The following FANCA variants were observed in gnomAD, a reference collection of about 807,000 sequenced individuals.
FANCA encodes the protein Fanconi anemia group A protein.
In FANCA, 236 loss-of-function variants were observed where a neutral mutation model predicts 194.3. That is an observed-to-expected ratio of 1.21 (90% CI 1.09 to 1.35). FANCA has a LOEUF of 1.35. Ranked by LOEUF, FANCA falls within the 40% of genes most tolerant of loss-of-function variation. FANCA has a pLI of 0.00. For synonymous variants in FANCA, 1,014 were observed against 715.8 expected (o/e 1.42, Z -6.65); for missense variants, 2,628 against 1,813.9 (o/e 1.45, Z -8.15).
rs35855273 is a variant in FANCA at position 89,785,861 on chromosome 16, T to TTTG, written c.1360-898_1360-897insCAA. On this transcript the variant is annotated intron_variant, in intron 14 of 42. Coordinates refer to ENST00000389301, the MANE Select transcript of FANCA (RefSeq NM_000135.4). Reference sequence around the variant, plus strand: ...AAAGCGTGCAAAATTGTGTTTTGTTTTTTTTTTTTTGGAGACAGAGTCTTG... The same window carrying TTTG: ...AAAGCGTGCAAAATTGTGTTTTGTTTTTGTTTTTTTTTTGGAGACAGAGTCTTG... Among the ~76,000 whole-genome samples the TTTG allele has an allele frequency of 3.4e-5, 5 of 144,946 alleles. 1 individual carries two copies. The highest frequency in any genetic ancestry group is 1.3e-4 in the African/African-American group (5 of 38,020).
intron 35 of FANCA, 92 bp downstream of exon 35, chr16:89,746,492 G>T: frequency 2.0e-6 from 2 of 1,008,032 alleles, no homozygotes; most frequent in Non-Finnish European, 3.2e-6. Context: ...GGTAACACCC[G>T]TGATGGAGAC....
intron 10 of FANCA, chr16:89,798,428 G>C (rs2040320938): frequency 9.2e-7 from 1 of 1,085,646 alleles, no homozygotes; most frequent in African/African-American, 1.6e-5. Context: ...TAATTGAGCA[G>C]TTAAACAGTT....
intron 11 of FANCA, among the ~76,000 whole-genome samples, chr16:89,792,899 G>A (rs903748962): frequency 6.6e-6 from 1 of 152,166 alleles, no homozygotes; most frequent in Admixed American, 6.6e-5. Flanking sequence ...GAGGCAGAGA[G>A]GGAGAGGAGA....
intron 36 of FANCA, among the ~76,000 whole-genome samples, chr16:89,744,345 C>G (rs17227256): frequency 6.6e-6 from 1 of 152,188 alleles, no homozygotes; most frequent in Non-Finnish European, 1.5e-5. Flanking sequence ...CTTAAGAACA[C>G]GGCACCCACA....
chr16:89,799,158 G>A lies in FANCA; in HGVS notation c.893+8C>T, dbSNP rs1232816912. 2 of 1,614,004 alleles carry A rather than the reference G, an allele frequency of 1.2e-6. No homozygotes were observed. Among genetic ancestry groups the A allele is most frequent in the African/African-American group, 1.3e-5 (1 of 74,900 alleles). On this transcript the variant is annotated splice_region_variant and intron_variant, in intron 10 of 42. Transcript: ENST00000389301. ...GCACACTCAGGCAGGCCACCCTCAG[G>A]AACATACCAGCACCTCACGATCTTG...
intron 15 of FANCA, 75 bp downstream of exon 15, chr16:89,784,779 G>A (rs2039841042): frequency 2.6e-6 from 3 of 1,142,314 alleles, no homozygotes; most frequent in Non-Finnish European, 1.3e-6. Flanking sequence ...GGCTCTTGGG[G>A]AGGCCAAGGC....
Position 89,796,015 on chromosome 16 carries a change from G to C in FANCA, c.897C>G (p.Phe299Leu), listed in dbSNP as rs765341703. The C allele has an allele frequency of 1.2e-6, 2 of 1,613,266 alleles. No homozygotes were observed. Among genetic ancestry groups the C allele is most frequent in the East Asian group, 4.5e-5 (2 of 44,872 alleles). The change falls in exon 11 of 43, where the codon TTC becomes TTG. Residue 299 changes from phenylalanine to leucine, a missense_variant. Physicochemically the swap from Phe to Leu is conservative, Grantham distance 22. Coordinates refer to ENST00000389301, the MANE Select transcript of FANCA (RefSeq NM_000135.4). ...CAAGCGTGTGTCCACTGAACACTCC[G>C]AACCTGCCAATGCAGCAGAAAGAGG... ...SSTHKIVRCWFGVFSGHTLGS... is the reference protein window; with the variant it reads ...SSTHKIVRCWLGVFSGHTLGS...
At chr16:89,798,192 C>A (rs138461320) in intron 10 of FANCA, among the ~76,000 whole-genome samples, 273 of 152,252 alleles carry the variant, frequency 1.8e-3, no homozygotes, top group African/African-American at 5.8e-3. Flanking sequence ...AAAAGTAGGT[C>A]TCCTGCAAGC....
Position 89,746,596 on chromosome 16 carries a change from C to G in FANCA, c.3501G>C (p.Leu1167Phe), listed in dbSNP as rs2143105845. 2 of 1,613,994 alleles carry G rather than the reference C, an allele frequency of 1.2e-6. No individual in the cohort carries two copies. Among genetic ancestry groups the G allele is most frequent in the Non-Finnish European group, 1.7e-6 (2 of 1,179,972 alleles). ...ACAGCTGACCCACCAGAGCAGAGGT[C>G]AAAATTAAGGGGCATTTCGTCTGGC... is the stretch of plus-strand genomic sequence containing the variant. Reference protein sequence around the residue: ...AKCQTKCPLILTSALVWWPSL... With the variant: ...AKCQTKCPLIFTSALVWWPSL... The change falls in exon 35 of 43, where the codon TTG (leucine) becomes TTC (phenylalanine). Residue 1167 changes from leucine to phenylalanine, a missense_variant. Transcript: ENST00000389301.
chr16:89,758,648 T>G lies in FANCA; in HGVS notation c.2910A>C (p.Ser970=). 1 of 1,614,042 alleles carries G rather than the reference T, an allele frequency of 6.2e-7. No individual in the cohort carries two copies. The highest frequency in any genetic ancestry group is 8.5e-7 in the Non-Finnish European group (1 of 1,179,936). The change falls in exon 30 of 43, where the codon TCA becomes TCC. Residue 970 remains serine (S), a synonymous_variant. Transcript: ENST00000389301. The part of the protein sequence containing the change: ...HEHFLPESSA[S]GGCDGDLQAA... ...CCTGCAGGTCTCCGTCACAGCCCCC[T>G]GAAGCCGAGGACTCAGGGAGAAAGT...
rs1294767559 is a variant in FANCA at position 89,792,565 on chromosome 16, G to A, written c.1007-18C>T. On this transcript the variant is annotated intron_variant, in intron 11 of 42. Coordinates refer to ENST00000389301, the MANE Select transcript of FANCA (RefSeq NM_000135.4). ...ATCAGATGCTGCAGGGGGAGAAACA[G>A]ACAAAAACTTCAAGTCAGAGATCAA... 2 of 1,610,898 alleles carry A rather than the reference G, an allele frequency of 1.2e-6. No homozygotes were observed. The highest frequency in any genetic ancestry group is 2.2e-5 in the East Asian group (1 of 44,718).
chr16:89,748,590 C>T (rs17233518), intron 33 of FANCA, 69 bp downstream of exon 33: 9 of 1,185,056 alleles, frequency 7.6e-6, no homozygotes, highest in Admixed American at 5.3e-5. Context: ...CGCATGGAGG[C>T]TGCAAGAGCT....
rs2143088562 is a variant in FANCA at position 89,745,079 on chromosome 16, G to A, written c.3514-8C>T. ...CAGGCTCGGCCACCACACCTATGGA[G>A]AGAGCACCAGCACACAGATGAGGGT... On this transcript the variant is annotated splice_region_variant and splice_polypyrimidine_tract_variant and intron_variant, in intron 35 of 42. Transcript: ENST00000389301. 1.3e-6 allele frequency: 2 copies of A among 1,593,664 alleles called. No homozygotes were observed. The highest frequency in any genetic ancestry group is 1.7e-6 in the Non-Finnish European group (2 of 1,173,844).
intron 20 of FANCA, among the ~76,000 whole-genome samples, chr16:89,776,123 G>A (rs1598121561): frequency 7.0e-6 from 1 of 142,498 alleles, no homozygotes; most frequent in Non-Finnish European, 1.5e-5. Context: ...ACAATTTTTG[G>A]TAATTTCCAA....
At chr16:89,795,493 C>T (rs999817999) in intron 11 of FANCA, among the ~76,000 whole-genome samples, 2 of 151,666 alleles carry the variant, frequency 1.3e-5, no homozygotes, top group African/African-American at 2.4e-5. Flanking sequence ...AAAAAATTAA[C>T]CGGGTGTGGT....
chr16:89,739,202 C>G lies in FANCA; in HGVS notation c.4098G>C (p.Gln1366His), dbSNP rs1041491550. The G allele has an allele frequency of 1.9e-6, 3 of 1,614,044 alleles. No homozygotes were observed. Among genetic ancestry groups the G allele is most frequent in the Non-Finnish European group, 2.5e-6 (3 of 1,180,050 alleles). Residue 1366 changes from glutamine to histidine, a missense_variant, in exon 41 of 43, where the codon CAG becomes CAC. Physicochemically the swap from Gln to His is conservative, Grantham distance 24. Coordinates refer to ENST00000389301, the MANE Select transcript of FANCA (RefSeq NM_000135.4). ...VAVDMYLKLVQLFVAGDTSTV... is the reference protein window; with the variant it reads ...VAVDMYLKLVHLFVAGDTSTV... ...TGCTTGTATCCCCAGCCACGAAGAG[C>G]TGGACCAGCTTCAAGTACATGTCCA... is the stretch of plus-strand genomic sequence containing the variant.
In FANCA at chr16:89,747,905, C is replaced by T. The variant is rs1446083507; in HGVS notation, c.3348+754G>A. 8.5e-5 allele frequency among the ~76,000 whole-genome samples: 13 copies of T among 152,054 alleles called. 2 individuals are homozygous for T. In the South Asian group the frequency reaches 2.5e-3, roughly 29 times the overall value. On this transcript the variant is annotated intron_variant, in intron 33 of 42. Coordinates refer to ENST00000389301, the MANE Select transcript of FANCA (RefSeq NM_000135.4). The stretch of plus-strand genomic sequence containing the variant: ...TGGGTCCCTACGCTGCCCGTCCCCA[C>T]AGCGAGTGTCACTTCTTTTTATTTG...
rs1018067067 is a variant in FANCA, at chr16:89,805,362, C to T, written c.627G>A (p.Trp209Ter). The change falls in exon 7 of 43, where the codon TGG (tryptophan) becomes TGA (stop). Residue 209 changes from tryptophan to a stop codon, truncating the protein, a stop_gained. Coordinates refer to ENST00000389301, the MANE Select transcript of FANCA (RefSeq NM_000135.4). LOFTEE classifies it high-confidence loss of function. ...SHPDMHAVGS[W>*]LFRNLCCLCE... Reference sequence around the variant, plus strand: ...AAAGGCAGCACAGATTCCTGAAGAGCCACGATCCCACAGCATGCATGTCGG... The same window carrying T: ...AAAGGCAGCACAGATTCCTGAAGAGTCACGATCCCACAGCATGCATGTCGG... 3 of 1,614,028 alleles carry T rather than the reference C, an allele frequency of 1.9e-6. No homozygotes were observed. Among genetic ancestry groups the T allele is most frequent in the Non-Finnish European group, 2.5e-6 (3 of 1,179,934 alleles).
intron 39 of FANCA, chr16:89,739,772 AG>A (rs2062079971): frequency 6.8e-7 from 1 of 1,474,370 alleles, no homozygotes; most frequent in Non-Finnish European, 9.0e-7. Context: ...GTGCAGAGAG[AG>A]GCAGTCCCCA....
Sources: gnomAD v4.1 joint callset for allele counts (sites outside exome capture counted in the v4.1 genomes callset) on GRCh38, gnomAD v4.1.1 for gene constraint, MANE v1.5 for transcripts, NCBI Gene and HGNC (gene_info 2026-07-23, HGNC 2026-07-21) for gene names.